The following MLLT1 variants were observed in gnomAD, a reference collection of about 807,000 sequenced individuals.
MLLT1 encodes the protein protein ENL.
A neutral mutation model predicts 55.1 loss-of-function variants in MLLT1; 11 were observed. That is an observed-to-expected ratio of 0.20 (90% CI 0.13 to 0.33). The LOEUF is 0.33. Ranked by LOEUF, MLLT1 falls within the 10% of genes least tolerant of loss-of-function variation. MLLT1 has a pLI of 1.00. For missense variants in MLLT1, 536 were observed against 760.6 expected (o/e 0.70, Z 3.47); for synonymous variants, 323 against 320.1 (o/e 1.01, Z -0.10).
In MLLT1 at chr19:6,230,275, C is replaced by T. The variant is rs1018054010; in HGVS notation, c.420+295G>A. ...TACAAGCCAGCTCCAGGCCCAGCCA[C>T]GCGGTCAGACCAGCCTCGCGCCCAT... On this transcript the variant is annotated intron_variant, in intron 4 of 11. Coordinates refer to ENST00000252674, the MANE Select transcript of MLLT1 (RefSeq NM_005934.4). This position sits in a 1 kb window ranked among gnomAD's most constrained non-coding sequence, Gnocchi z 9.0. Among the ~76,000 whole-genome samples, 4 of 152,182 alleles carry T rather than the reference C, an allele frequency of 2.6e-5. No individual in the cohort carries two copies. The highest frequency in any genetic ancestry group is 1.9e-4 in the East Asian group (1 of 5,194).
intron 8 of MLLT1, 138 bp from the exon 9 acceptor site, chr19:6,214,176 A>G (rs541769651): frequency 1.1e-3 from 461 of 435,590 alleles, no homozygotes; most frequent in South Asian, 3.9e-3. Context: ...ACCTCTGCGC[A>G]GGAACCTCAA....
intron 3 of MLLT1, among the ~76,000 whole-genome samples, chr19:6,257,980 C>G (rs2091272902): frequency 6.6e-6 from 1 of 152,156 alleles, no homozygotes; most frequent in Non-Finnish European, 1.5e-5. Flanking sequence ...TTTTAAGAAA[C>G]AGAAAACAAG....
At chr19:6,239,918 C>T (rs1568285037) in intron 3 of MLLT1, among the ~76,000 whole-genome samples, 1 of 152,044 alleles carries the variant, frequency 6.6e-6, no homozygotes, top group African/African-American at 2.4e-5. Flanking sequence ...TTGGCTTTGT[C>T]ATCAAAAGAA....
At chr19:6,269,956 C>A (rs2091381779) in intron 2 of MLLT1, among the ~76,000 whole-genome samples, 1 of 152,174 alleles carries the variant, frequency 6.6e-6, no homozygotes, top group East Asian at 1.9e-4. Context: ...TCTCCGATTC[C>A]CCACCACAGC....
chr19:6,236,489 G>C (rs924930845), intron 3 of MLLT1, among the ~76,000 whole-genome samples: 2 of 152,190 alleles, frequency 1.3e-5, no homozygotes, highest in Non-Finnish European at 2.9e-5. Flanking sequence ...ACGACGAGGA[G>C]ACCCGGCATG....
At position 6,251,617 on chromosome 19, in the gene MLLT1, T is replaced by C. The variant is rs957476352; in HGVS notation, c.276+10611A>G. 4.6e-5 allele frequency among the ~76,000 whole-genome samples: 7 copies of C among 152,172 alleles called. No individual in the cohort carries two copies. In the South Asian group the frequency reaches 8.3e-4, roughly 18 times the overall value. ...GCTTTGGTTAATTTTAGATGTCAACTTGACTGAATTAAGAAATACCTAGAG... is the reference window on the plus strand; with the variant it reads ...GCTTTGGTTAATTTTAGATGTCAACCTGACTGAATTAAGAAATACCTAGAG... On this transcript the variant is annotated intron_variant, in intron 3 of 11. Transcript: ENST00000252674.
chr19:6,226,859 C>T lies in MLLT1; in HGVS notation c.546+118G>A, dbSNP rs1031946198. 83 of 760,718 alleles carry T rather than the reference C, an allele frequency of 1.1e-4. 1 individual carries two copies. In the South Asian group the frequency reaches 1.4e-3, roughly 12 times the overall value. 47.1% of individuals were successfully genotyped at this position (760,718 alleles called of 1,614,324 possible). On this transcript the variant is annotated intron_variant, in intron 5 of 11. Transcript: ENST00000252674. The surrounding 1 kb of genome is among the most constrained non-coding windows in gnomAD (Gnocchi z 6.3). ...TGTGCAGAGAGCTCAAAGAGGAAGA[C>T]GCCAAGGGAGCGAGCAGGTGCGGAA...
chr19:6,244,812 G>A (rs182425612), intron 3 of MLLT1, among the ~76,000 whole-genome samples: 3 of 152,072 alleles, frequency 2.0e-5, no homozygotes. Flanking sequence ...GAATATATGG[G>A]TTGCAAATAA....
Position 6,262,128 on chromosome 19 carries a change from G to T in MLLT1, c.276+100C>A, listed in dbSNP as rs1028823114. 1.1e-6 allele frequency: 1 copy of T among 882,416 alleles called. No homozygotes were observed. The highest frequency in any genetic ancestry group is 1.9e-6 in the Non-Finnish European group (1 of 532,924). The allele number at this position is 882,416 out of a possible 1,614,324, so 54.7% of individuals were successfully genotyped here. A position where few individuals can be genotyped will look rare whatever the true frequency, so the allele number is the denominator to read the frequency against. ...CACTCACTGGAATGTCTGTGCATGGGCAGCGGCCAGTTCTCTGGCCTGTTT... is the reference window on the plus strand; with the variant it reads ...CACTCACTGGAATGTCTGTGCATGGTCAGCGGCCAGTTCTCTGGCCTGTTT... On this transcript the variant is annotated intron_variant, in intron 3 of 11. Coordinates refer to ENST00000252674, the MANE Select transcript of MLLT1 (RefSeq NM_005934.4). This position sits in a 1 kb window ranked among gnomAD's most constrained non-coding sequence, Gnocchi z 4.4.
At position 6,276,860 on chromosome 19, in the gene MLLT1, A is replaced by G. The variant is rs139228034; in HGVS notation, c.12+2913T>C. On this transcript the variant is annotated intron_variant, in intron 1 of 11. Coordinates refer to ENST00000252674, the MANE Select transcript of MLLT1 (RefSeq NM_005934.4). ...GAACCAGAAAGGCATTTTCCTGGCC[A>G]TAAGGAAAAGATGTCAATGCTGAGA... Among the ~76,000 whole-genome samples, 1,091 of 152,336 alleles carry G rather than the reference A, an allele frequency of 7.2e-3. 11 individuals carry two copies. Among genetic ancestry groups the G allele is most frequent in the African/African-American group, 0.025 (1,048 of 41,578 alleles).
chr19:6,275,899 G>A (rs892060), intron 1 of MLLT1, among the ~76,000 whole-genome samples: 31,987 of 152,156 alleles, frequency 0.21, 3,614 homozygotes, highest in Middle Eastern at 0.27. Context: ...CGAACCAGGG[G>A]CCCACAGACG....
chr19:6,247,406 C>G (rs1426408698), intron 3 of MLLT1, among the ~76,000 whole-genome samples: 1 of 152,158 alleles, frequency 6.6e-6, no homozygotes, highest in Non-Finnish European at 1.5e-5. Context: ...ACCCCCAAAA[C>G]CATGGGAACA....
intron 3 of MLLT1, among the ~76,000 whole-genome samples, chr19:6,252,816 A>T (rs1339723412): frequency 2.6e-5 from 4 of 152,194 alleles, no homozygotes; most frequent in South Asian, 2.1e-4. Flanking sequence ...GCTAGTATTT[A>T]AAAAAAAGAA....
intron 6 of MLLT1, among the ~76,000 whole-genome samples, chr19:6,221,333 C>G (rs2090894970): frequency 6.6e-6 from 1 of 152,176 alleles, no homozygotes; most frequent in African/African-American, 2.4e-5. Context: ...TGGAAGACAC[C>G]ACCGCCGTCC....
chr19:6,222,432 A>G lies in MLLT1; in HGVS notation c.799T>C (p.Ser267Pro), dbSNP rs758219842. The G allele has an allele frequency of 2.6e-6, 4 of 1,536,864 alleles. No homozygotes were observed. Among genetic ancestry groups the G allele is most frequent in the Non-Finnish European group, 3.5e-6 (4 of 1,145,044 alleles). The change falls in exon 6 of 12, where the codon TCC becomes CCC. Residue 267 changes from serine to proline, a missense_variant. Coordinates refer to ENST00000252674, the MANE Select transcript of MLLT1 (RefSeq NM_005934.4). The surrounding 1 kb of genome is among the most constrained non-coding windows in gnomAD (Gnocchi z 4.1). The stretch of plus-strand genomic sequence containing the variant: ...GGGGGTGGGGGCCCACCCTTGGGGG[A>G]CGTGCTTTCCAGCTTGGTCTCTTTC... ...ALKETKLESTSPKGGPPPPPP... is the reference protein window; with the variant it reads ...ALKETKLESTPPKGGPPPPPP...
rs1421221447 is a variant in MLLT1 at position 6,273,035 on chromosome 19, C to A, written c.13-2276G>T. Among the ~76,000 whole-genome samples the A allele has an allele frequency of 2.6e-5, 4 of 152,128 alleles. No homozygotes were observed. The highest frequency in any genetic ancestry group is 6.5e-5 in the Admixed American group (1 of 15,274). On this transcript the variant is annotated intron_variant, in intron 1 of 11. Coordinates refer to ENST00000252674, the MANE Select transcript of MLLT1 (RefSeq NM_005934.4). The surrounding 1 kb of genome is among the most constrained non-coding windows in gnomAD (Gnocchi z 4.3). Reference sequence around the variant, plus strand: ...TCAGGACGACTGTCCCTCTGGAGTTCCCTGGGAAAAGAGGGCAGGGACTCC... The same window carrying A: ...TCAGGACGACTGTCCCTCTGGAGTTACCTGGGAAAAGAGGGCAGGGACTCC...
chr19:6,241,017 G>C (rs894504504), intron 3 of MLLT1, among the ~76,000 whole-genome samples: 4 of 152,172 alleles, frequency 2.6e-5, no homozygotes, highest in Non-Finnish European at 5.9e-5. Flanking sequence ...GTAAACACCT[G>C]TAAAATGGCA....
At position 6,216,684 on chromosome 19, in the gene MLLT1, CG is replaced by C. The variant is rs2144848347; in HGVS notation, c.1199-172del. ...CCATCTCTAAGAACTGCCCCCACAC[CG>C]GCAGCCACCCGCTTCCCCTAGAACG... On this transcript the variant is annotated intron_variant, in intron 7 of 11. Coordinates refer to ENST00000252674, the MANE Select transcript of MLLT1 (RefSeq NM_005934.4). 8.7e-6 allele frequency: 5 copies of C among 572,292 alleles called. 1 individual carries two copies. Among genetic ancestry groups the C allele is most frequent in the South Asian group, 4.2e-5 (2 of 47,930 alleles). 35.5% of individuals were successfully genotyped at this position (572,292 alleles called of 1,614,324 possible).
chr19:6,238,348 TTTTTG>T (rs1422062465), intron 3 of MLLT1, among the ~76,000 whole-genome samples: 3 of 152,200 alleles, frequency 2.0e-5, no homozygotes, highest in South Asian at 2.1e-4. Flanking sequence ...GTGGTTAGGG[TTTTTG>T]TTTTAAGAAT....
Sources: gnomAD v4.1 joint callset for allele counts (sites outside exome capture counted in the v4.1 genomes callset) on GRCh38, gnomAD v4.1.1 for gene constraint, Gnocchi (gnomAD v3.1) non-coding constraint, MANE v1.5 for transcripts, NCBI Gene and HGNC (gene_info 2026-07-23, HGNC 2026-07-21) for gene names.